The following BAZ1B variants were observed in gnomAD, a reference collection of about 807,000 sequenced individuals.
The protein encoded by BAZ1B is bromodomain adjacent to zinc finger domain 1B.
Under a neutral mutation model 153.8 loss-of-function variants are expected in BAZ1B, and 22 were observed. That is an observed-to-expected ratio of 0.14 (90% CI 0.10 to 0.20). The LOEUF (loss-of-function observed/expected upper bound fraction) is 0.20, where lower values mean the gene tolerates loss of function less well. Ranked by LOEUF, BAZ1B falls within the 10% of genes least tolerant of loss-of-function variation. BAZ1B has a pLI of 1.00. For missense variants in BAZ1B, 1,325 were observed against 1,799.3 expected (o/e 0.74, Z 4.77); for synonymous variants, 676 against 633.4 (o/e 1.07, Z -1.01).
chr7:73,451,282 T>G (rs1788019432), intron 13 of BAZ1B, among the ~76,000 whole-genome samples: 1 of 152,204 alleles, frequency 6.6e-6, no homozygotes, highest in African/African-American at 2.4e-5. Context: ...ATGCTGTAAA[T>G]GCTATAATGC....
chr7:73,479,804 T>C (rs1413945476), intron 6 of BAZ1B, among the ~76,000 whole-genome samples: 1 of 152,098 alleles, frequency 6.6e-6, no homozygotes, highest in Non-Finnish European at 1.5e-5. Flanking sequence ...ATAACCCTGA[T>C]TAACTCACTC....
intron 3 of BAZ1B, among the ~76,000 whole-genome samples, chr7:73,502,641 C>T (rs1236990042): frequency 6.6e-6 from 1 of 151,960 alleles, no homozygotes; most frequent in Non-Finnish European, 1.5e-5. Flanking sequence ...TACAATTAGC[C>T]AGGCATTATA....
chr7:73,493,641 G>C (rs1285861873), intron 4 of BAZ1B, among the ~76,000 whole-genome samples: 2 of 151,808 alleles, frequency 1.3e-5, no homozygotes, highest in Non-Finnish European at 2.9e-5. Context: ...AGGAGTTCGA[G>C]ACCAGCCTGG....
At chr7:73,484,154 T>G (rs1041133594) in intron 6 of BAZ1B, among the ~76,000 whole-genome samples, 1 of 151,990 alleles carries the variant, frequency 6.6e-6, no homozygotes, top group Non-Finnish European at 1.5e-5. Flanking sequence ...TAGTCCCAGC[T>G]ACTCGGGAGG....
intron 3 of BAZ1B, among the ~76,000 whole-genome samples, chr7:73,503,579 T>C (rs1408780951): frequency 3.3e-5 from 5 of 152,274 alleles, no homozygotes; most frequent in Admixed American, 2.6e-4. Flanking sequence ...CTCCCTATGT[T>C]GCCCAGGCTG....
At chr7:73,500,453 G>A (rs1233274208) in intron 3 of BAZ1B, among the ~76,000 whole-genome samples, 2 of 152,124 alleles carry the variant, frequency 1.3e-5, no homozygotes, top group Non-Finnish European at 2.9e-5. Flanking sequence ...TGAGGTAAGG[G>A]GATCACTTGA....
At chr7:73,511,865 CAAA>C (rs562678974) in intron 1 of BAZ1B, among the ~76,000 whole-genome samples, 3 of 119,362 alleles carry the variant, frequency 2.5e-5, no homozygotes, top group Admixed American at 8.6e-5. Flanking sequence ...TACTAAAAAT[CAAA>C]AAAAAAAAAA....
chr7:73,442,100 T>G, intron 19 of BAZ1B, 81 bp downstream of exon 19: 13 of 961,754 alleles, frequency 1.4e-5, no homozygotes, highest in Non-Finnish European at 1.7e-5. Context: ...GGACTCCCTG[T>G]GATCTCTTCC....
At chr7:73,474,701 G>A (rs1309462316) in intron 7 of BAZ1B, among the ~76,000 whole-genome samples, 1 of 152,216 alleles carries the variant, frequency 6.6e-6, no homozygotes, top group Non-Finnish European at 1.5e-5. Flanking sequence ...CTTGAACCCA[G>A]GAGGCAGAGG....
Position 73,477,534 on chromosome 7 carries a change from C to T in BAZ1B, c.1927G>A (p.Ala643Thr). ...TAVSLMEALS[A>T]DKGGFLYLNR... is the part of the protein sequence containing the mutation. Reference sequence around the variant, plus strand: ...AGGTATAAAAAGCCACCCTTATCTGCACTCAAGGCTTCCATAAGGGACACA... The same window carrying T: ...AGGTATAAAAAGCCACCCTTATCTGTACTCAAGGCTTCCATAAGGGACACA... Residue 643 changes from alanine (A) to threonine (T), a missense_variant, in exon 7 of 20, where the codon GCA becomes ACA. Physicochemically the swap from Ala to Thr is moderately conservative, Grantham distance 58 (BLOSUM62 0). Transcript: ENST00000339594. The surrounding 1 kb of genome is among the most constrained non-coding windows in gnomAD (Gnocchi z 5.6). 2 of 1,614,162 alleles carry T rather than the reference C, an allele frequency of 1.2e-6. No individual in the cohort carries two copies. Among genetic ancestry groups the T allele is most frequent in the Non-Finnish European group, 1.7e-6 (2 of 1,180,032 alleles).
rs142073624 is a variant in BAZ1B, at chr7:73,496,174, G to C, written c.571+2323C>G. On this transcript the variant is annotated intron_variant, in intron 4 of 19. Transcript: ENST00000339594. Reference sequence around the variant, plus strand: ...ATAAAACTGATGTTCGGAAAGCAGAGAGAATATTCCTAACCAAAACACTTC... The same window carrying C: ...ATAAAACTGATGTTCGGAAAGCAGACAGAATATTCCTAACCAAAACACTTC... Among the ~76,000 whole-genome samples, 284 of 152,286 alleles carry C rather than the reference G, an allele frequency of 1.9e-3. 1 individual carries two copies. Among genetic ancestry groups the C allele is most frequent in the African/African-American group, 6.3e-3 (261 of 41,562 alleles).
intron 13 of BAZ1B, among the ~76,000 whole-genome samples, chr7:73,454,164 A>AAATG (rs1788113901): frequency 6.6e-6 from 1 of 151,738 alleles, no homozygotes; most frequent in Non-Finnish European, 1.5e-5. Flanking sequence ...ATAAATAAAT[A>AAATG]AAAATTTAAA....
intron 7 of BAZ1B, among the ~76,000 whole-genome samples, chr7:73,475,793 G>A (rs920772435): frequency 2.6e-5 from 4 of 151,978 alleles, no homozygotes; most frequent in Non-Finnish European, 5.9e-5. Context: ...GCATGATGGC[G>A]CATGCCTGTA....
chr7:73,519,471 T>A (rs1790941981), intron 1 of BAZ1B, among the ~76,000 whole-genome samples: 1 of 152,142 alleles, frequency 6.6e-6, no homozygotes, highest in African/African-American at 2.4e-5. Context: ...AAAGAGCAAT[T>A]TCCCCCCAAT....
chr7:73,509,943 A>G (rs1790509197), intron 2 of BAZ1B, among the ~76,000 whole-genome samples: 1 of 151,744 alleles, frequency 6.6e-6, no homozygotes, highest in Non-Finnish European at 1.5e-5. Context: ...CCTGGCTAAC[A>G]TGGTGAAACC....
chr7:73,490,381 AGAAG>A (rs1486350060), intron 5 of BAZ1B, among the ~76,000 whole-genome samples: 2 of 152,324 alleles, frequency 1.3e-5, no homozygotes, highest in East Asian at 1.9e-4. Flanking sequence ...CAGGAAACAG[AGAAG>A]GAAGGAATAC....
At chr7:73,447,841 G>A (rs1787895364) in intron 15 of BAZ1B, among the ~76,000 whole-genome samples, 1 of 152,216 alleles carries the variant, frequency 6.6e-6, no homozygotes, top group East Asian at 1.9e-4. Context: ...GAAACAGCTT[G>A]CAGATGACCA....
In BAZ1B at chr7:73,483,257, A is replaced by T. The variant is rs566147630; in HGVS notation, c.892-4688T>A. 2.0e-4 allele frequency among the ~76,000 whole-genome samples: 30 copies of T among 152,294 alleles called. No individual in the cohort carries two copies. In the South Asian group the frequency reaches 2.7e-3, roughly 14 times the overall value. On this transcript the variant is annotated intron_variant, in intron 6 of 19. Coordinates refer to ENST00000339594, the MANE Select transcript of BAZ1B (RefSeq NM_032408.4). The stretch of plus-strand genomic sequence containing the variant: ...TGTCTGCAACTCCTGTTTCTTGATT[A>T]AAAAAAGGATAAAAATTAAAGAAAT...
In BAZ1B at chr7:73,492,886, T is replaced by C. The variant is rs1789708041; in HGVS notation, c.607A>G (p.Thr203Ala). Residue 203 changes from threonine (T) to alanine (A), a missense_variant, in exon 5 of 20, where the codon ACT becomes GCT. By Grantham distance (58) the Thr-to-Ala change is moderately conservative. Around this residue, in one of 9 missense-constraint regions of BAZ1B, gnomAD observed 153 missense variants for 204.8 expected, o/e 0.75. Coordinates refer to ENST00000339594, the MANE Select transcript of BAZ1B (RefSeq NM_032408.4). ...RARRSPRKLPTSLKKGERKWA... is the reference protein window; with the variant it reads ...RARRSPRKLPASLKKGERKWA... ...TTCCTTTCTCCTTTTTTTAATGAAGTAGGAAGTTTTCGTGGCGATCTACGT... is the reference window on the plus strand; with the variant it reads ...TTCCTTTCTCCTTTTTTTAATGAAGCAGGAAGTTTTCGTGGCGATCTACGT... The C allele has an allele frequency of 5.0e-6, 8 of 1,610,970 alleles. No homozygotes were observed. Among genetic ancestry groups the C allele is most frequent in the Non-Finnish European group, 6.8e-6 (8 of 1,179,146 alleles).
Sources: gnomAD v4.1 joint callset for allele counts (sites outside exome capture counted in the v4.1 genomes callset) on GRCh38, gnomAD v4.1.1 for gene constraint, gnomAD v4.1.1 regional missense constraint, Gnocchi (gnomAD v3.1) non-coding constraint, MANE v1.5 for transcripts, NCBI Gene and HGNC (gene_info 2026-07-23, HGNC 2026-07-21) for gene names.